The following TBC1D10A variants were observed in gnomAD, a reference collection of about 807,000 sequenced individuals.
TBC1D10A encodes the protein TBC1 domain family member 10A.
Under a neutral mutation model 52.9 loss-of-function variants are expected in TBC1D10A, and 24 were observed. That is an observed-to-expected ratio of 0.45 (90% CI 0.33 to 0.64). The LOEUF is 0.64. Among genes scored for constraint, TBC1D10A ranks in the 30% least tolerant of loss-of-function variants. The pLI is 0.02. For synonymous variants in TBC1D10A, 278 were observed against 282.9 expected (o/e 0.98, Z 0.17); for missense variants, 602 against 687.9 (o/e 0.88, Z 1.40).
chr22:30,302,717 G>A (rs1368140822), intron 2 of TBC1D10A, among the ~76,000 whole-genome samples: 1 of 152,252 alleles, frequency 6.6e-6, no homozygotes, highest in Non-Finnish European at 1.5e-5. Flanking sequence ...CAGCTGGGCA[G>A]GGGCAGGTCT....
At chr22:30,325,843 C>T (rs1280039338) in intron 1 of TBC1D10A, among the ~76,000 whole-genome samples, 1 of 152,142 alleles carries the variant, frequency 6.6e-6, no homozygotes, top group African/African-American at 2.4e-5. Flanking sequence ...TGGGAGGAGG[C>T]GCATACATAC....
At chr22:30,317,867 A>T (rs545279481) in intron 1 of TBC1D10A, among the ~76,000 whole-genome samples, 1 of 152,294 alleles carries the variant, frequency 6.6e-6, no homozygotes, top group African/African-American at 2.4e-5. Context: ...TCAGGTCTAT[A>T]TCCTGAGCCT....
chr22:30,293,027 G>T (rs983703651), intron 8 of TBC1D10A, 176 bp from the exon 9 acceptor site: 5 of 689,662 alleles, frequency 7.2e-6, no homozygotes, highest in Non-Finnish European at 1.2e-5. Context: ...ACAGCTGAGT[G>T]CCAGGTGAGC....
chr22:30,293,523 C>T (rs1034595527), intron 8 of TBC1D10A, 128 bp downstream of exon 8: 2 of 1,343,786 alleles, frequency 1.5e-6, no homozygotes, highest in Non-Finnish European at 1.0e-6. Context: ...CCCACATGTT[C>T]TGTGTTGCCT....
At chr22:30,299,783 A>G (rs973721320) in intron 2 of TBC1D10A, 19 of 380,096 alleles carry the variant, frequency 5.0e-5, no homozygotes, top group Admixed American at 1.6e-4. Context: ...CCTGGCCAAC[A>G]TGGTGAAACC....
At chr22:30,292,896 C>T (rs771096668) in intron 8 of TBC1D10A, 45 bp from the exon 9 acceptor site, 3 of 1,596,172 alleles carry the variant, frequency 1.9e-6, no homozygotes, top group East Asian at 4.5e-5. Context: ...AGAAGAAGGA[C>T]CTTCCCCTTC....
At chr22:30,316,954 G>A (rs1021706091) in intron 1 of TBC1D10A, among the ~76,000 whole-genome samples, 21 of 151,922 alleles carry the variant, frequency 1.4e-4, no homozygotes, top group Non-Finnish European at 2.8e-4. Flanking sequence ...TGGGAAGATC[G>A]CTTGTGCCTG....
At position 30,292,649 on chromosome 22, in the gene TBC1D10A, AG is replaced by A; in HGVS notation, c.1252del (p.Leu418SerfsTer22). 6.2e-7 allele frequency: 1 copy of A among 1,610,740 alleles called. No homozygotes were observed. On this transcript the variant is annotated frameshift_variant, in exon 9 of 9. Coordinates refer to ENST00000215790, the MANE Select transcript of TBC1D10A (RefSeq NM_031937.3). LOFTEE classifies it low-confidence loss of function (END_TRUNC). ...PSIRLPLDAP[L>X]PGSKAKPKPP... ...CTTGGGCTTGGCTTTGGAGCCAGGG[AG>A]GGGGGCATCTAGGGGCAGGCGGATG... is the stretch of plus-strand genomic sequence containing the variant.
At chr22:30,323,316 A>C (rs1569165706) in intron 1 of TBC1D10A, among the ~76,000 whole-genome samples, 1 of 152,244 alleles carries the variant, frequency 6.6e-6, no homozygotes, top group Non-Finnish European at 1.5e-5. Context: ...GAAGCTAATC[A>C]GTCTAATGAA....
At chr22:30,294,692 C>T in intron 6 of TBC1D10A, 104 bp downstream of exon 6, 1 of 1,493,930 alleles carries the variant, frequency 6.7e-7, no homozygotes. Flanking sequence ...CAACAGAAGG[C>T]CGGAAAGTTT....
chr22:30,303,346 TAGAC>T (rs1301181212), intron 2 of TBC1D10A, among the ~76,000 whole-genome samples: 2 of 140,148 alleles, frequency 1.4e-5, no homozygotes, highest in Non-Finnish European at 3.3e-5. Flanking sequence ...GACAGATAGA[TAGAC>T]AGATAGCTAT....
chr22:30,295,680 C>G, intron 4 of TBC1D10A, 57 bp downstream of exon 4: 1 of 1,555,444 alleles, frequency 6.4e-7, no homozygotes. Context: ...CCTCCTTAGA[C>G]CCCTTAGAGA....
intron 1 of TBC1D10A, among the ~76,000 whole-genome samples, chr22:30,310,187 ACTT>A (rs1462587242): frequency 2.0e-5 from 3 of 152,118 alleles, no homozygotes; most frequent in African/African-American, 7.2e-5. Context: ...AAAAGTGACA[ACTT>A]CTTCATCTTT....
At chr22:30,316,001 T>C (rs1446759762) in intron 1 of TBC1D10A, among the ~76,000 whole-genome samples, 1 of 152,168 alleles carries the variant, frequency 6.6e-6, no homozygotes, top group Non-Finnish European at 1.5e-5. Flanking sequence ...GTTCCATCAC[T>C]TGCTCACCCT....
chr22:30,310,878 CTT>C (rs1930411568), intron 1 of TBC1D10A, among the ~76,000 whole-genome samples: 2 of 152,190 alleles, frequency 1.3e-5, no homozygotes, highest in Admixed American at 1.3e-4. Context: ...TCCCTTCCCT[CTT>C]CTTATCACCC....
chr22:30,311,091 C>G (rs1930415976), intron 1 of TBC1D10A, among the ~76,000 whole-genome samples: 1 of 152,188 alleles, frequency 6.6e-6, no homozygotes, highest in Non-Finnish European at 1.5e-5. Flanking sequence ...TGAGGACAAA[C>G]AAAAGGCTGA....
intron 1 of TBC1D10A, among the ~76,000 whole-genome samples, chr22:30,319,872 G>A (rs186214014): frequency 2.0e-5 from 3 of 152,318 alleles, no homozygotes; most frequent in African/African-American, 2.4e-5. Context: ...CTAGGACAAC[G>A]GATGGATGAT....
chr22:30,292,511 C>A lies in TBC1D10A; in HGVS notation c.1391G>T (p.Cys464Phe). 1 of 1,610,658 alleles carries A rather than the reference C, an allele frequency of 6.2e-7. No homozygotes were observed. The highest frequency in any genetic ancestry group is 8.5e-7 in the Non-Finnish European group (1 of 1,178,522). ...AMVVAAAGDA[C>F]PPQHVPPKDS... Reference sequence around the variant, plus strand: ...CTTCGGGGGCACATGCTGTGGGGGACATGCATCTCCTGCAGCGGCCACCAC... The same window carrying A: ...CTTCGGGGGCACATGCTGTGGGGGAAATGCATCTCCTGCAGCGGCCACCAC... The change falls in exon 9 of 9, where the codon TGT becomes TTT. Residue 464 changes from cysteine (C) to phenylalanine (F), a missense_variant. Cys to Phe is a radical substitution (Grantham distance 205). Around this residue, in one of 3 missense-constraint regions of TBC1D10A, gnomAD observed 265 missense variants for 275.1 expected, o/e 0.96. Coordinates refer to ENST00000215790, the MANE Select transcript of TBC1D10A (RefSeq NM_031937.3).
rs200819864 is a variant in TBC1D10A at position 30,303,310 on chromosome 22, C to T, written c.309+1221G>A. Among the ~76,000 whole-genome samples the T allele has an allele frequency of 5.8e-3, 499 of 86,082 alleles. 7 individuals carry two copies. The highest frequency in any genetic ancestry group is 0.038 in the Middle Eastern group (5 of 132). 56.5% of individuals were successfully genotyped at this position (86,082 alleles called of 152,430 possible). A position where few individuals can be genotyped will look rare whatever the true frequency, so the allele number is the denominator to read the frequency against. The stretch of plus-strand genomic sequence containing the variant: ...ATAGTTAGATAGATAGATAGATAGA[C>T]AGACAGACAGACAGACAGACAGACA... On this transcript the variant is annotated intron_variant, in intron 2 of 8. Coordinates refer to ENST00000215790, the MANE Select transcript of TBC1D10A (RefSeq NM_031937.3).
Sources: gnomAD v4.1 joint callset for allele counts (sites outside exome capture counted in the v4.1 genomes callset) on GRCh38, gnomAD v4.1.1 for gene constraint, gnomAD v4.1.1 regional missense constraint, MANE v1.5 for transcripts, NCBI Gene and HGNC (gene_info 2026-07-23, HGNC 2026-07-21) for gene names.